DNAI7: variants seen among roughly 807,000 people sequenced by gnomAD.
DNAI7 encodes the protein dynein axonemal intermediate chain 7.
A neutral mutation model predicts 86.6 loss-of-function variants in DNAI7; 78 were observed. That is an observed-to-expected ratio of 0.90 (90% CI 0.75 to 1.09). The LOEUF (loss-of-function observed/expected upper bound fraction) is 1.09, where lower values mean the gene tolerates loss of function less well. Among genes scored for constraint, DNAI7 ranks in the 50% least tolerant of loss-of-function variants. The probability of loss-of-function intolerance (pLI) is 0.00; values close to 1 mark genes in which losing one functional copy is unlikely to be tolerated. For synonymous variants in DNAI7, 274 were observed against 273.0 expected (o/e 1.00, Z -0.04); for missense variants, 753 against 810.2 (o/e 0.93, Z 0.86).
At chr12:25,194,805 G>T in intron 1 of DNAI7, 2 of 1,445,684 alleles carry the variant, frequency 1.4e-6, no homozygotes, top group Non-Finnish European at 1.9e-6. Context: ...CAATTTTCAA[G>T]CTTAGCAACA....
At chr12:25,123,585 T>C (rs1399907477) in intron 9 of DNAI7, among the ~76,000 whole-genome samples, 6 of 152,228 alleles carry the variant, frequency 3.9e-5, no homozygotes, top group Admixed American at 3.9e-4. Context: ...ATATTATTTA[T>C]ATTTGCATTT....
At position 25,114,673 on chromosome 12, in the gene DNAI7, T is replaced by C; in HGVS notation, c.1594A>G (p.Ile532Val). Residue 532 changes from isoleucine (I) to valine (V), a missense_variant, in exon 13 of 16, where the codon ATT becomes GTT. Physicochemically the swap from Ile to Val is conservative, Grantham distance 29. Transcript: ENST00000395987. ...TAACTCACCTTAATTTGTATTTGAATCTCAGTAAATACTGTAGTCACAGTT... is the reference window on the plus strand; with the variant it reads ...TAACTCACCTTAATTTGTATTTGAACCTCAGTAAATACTGTAGTCACAGTT... ...LLTVTTVFTE[I>V]QIQIKENLCM... 1 of 1,609,088 alleles carries C rather than the reference T, an allele frequency of 6.2e-7. No individual in the cohort carries two copies. The highest frequency in any genetic ancestry group is 8.5e-7 in the Non-Finnish European group (1 of 1,175,532).
rs1379019332 is a variant in DNAI7 at position 25,174,407 on chromosome 12, G to GATATATATATCATATATATCTT, written c.22-13211_22-13210insAAGATATATATGATATATATAT. Among the ~76,000 whole-genome samples, 2 of 286 alleles carry GATATATATATCATATATATCTT rather than the reference G, an allele frequency of 7.0e-3. 1 individual carries two copies. The highest frequency in any genetic ancestry group is 0.01 in the African/African-American group (2 of 194). 0.2% of individuals were successfully genotyped at this position (286 alleles called of 152,430 possible). ...TATATGGGATATATCATATATATGG[G>GATATATATATCATATATATCTT]ATATATGGGATATATATATCATATA... On this transcript the variant is annotated intron_variant, in intron 2 of 15. Transcript: ENST00000395987.
At chr12:25,159,522 C>T (rs575878557) in intron 3 of DNAI7, among the ~76,000 whole-genome samples, 1 of 152,018 alleles carries the variant, frequency 6.6e-6, no homozygotes, top group South Asian at 2.1e-4. Context: ...TATTTTTCTT[C>T]TCCAAAAGGT....
At chr12:25,164,365 A>ACT (rs200694291) in intron 2 of DNAI7, among the ~76,000 whole-genome samples, 1 of 148,090 alleles carries the variant, frequency 6.8e-6, no homozygotes, top group Non-Finnish European at 1.5e-5. Flanking sequence ...CTGTGTCTCT[A>ACT]CTCTCTCTTT....
intron 4 of DNAI7, among the ~76,000 whole-genome samples, chr12:25,157,255 G>A (rs1340540901): frequency 6.9e-6 from 1 of 144,730 alleles, no homozygotes; most frequent in East Asian, 2.0e-4. Context: ...TCCAGCCTGG[G>A]CGACAGAGAG....
intron 2 of DNAI7, among the ~76,000 whole-genome samples, chr12:25,164,869 C>T (rs1289847804): frequency 6.8e-6 from 1 of 146,202 alleles, no homozygotes; most frequent in Non-Finnish European, 1.5e-5. Context: ...ACCCTATAAT[C>T]ATTTTATCAC....
At chr12:25,107,865 A>G (rs768779171), downstream of DNAI7, 4 of 1,614,098 alleles carry the variant, frequency 2.5e-6, no homozygotes, top group South Asian at 4.4e-5. Flanking sequence ...CCTCCATCAG[A>G]AAGGCTAATA....
chr12:25,121,897 T>C lies in DNAI7; in HGVS notation c.1095A>G (p.Val365=). Residue 365 remains valine (V), a synonymous_variant, in exon 11 of 16, where the codon GTA becomes GTG. Coordinates refer to ENST00000395987, the MANE Select transcript of DNAI7 (RefSeq NM_018272.5). ...AATCTGGCTTTTCAGAAGAATTCTC[T>C]ACCAGCAACAACTGTGCTAAAATTA... is the stretch of plus-strand genomic sequence containing the variant. ...ETVSAAQLLL[V]ENSSEKPDFF... is the part of the protein sequence containing the mutation. 1 of 1,588,744 alleles carries C rather than the reference T, an allele frequency of 6.3e-7. No homozygotes were observed. Among genetic ancestry groups the C allele is most frequent in the South Asian group, 1.2e-5 (1 of 85,698 alleles).
intron 2 of DNAI7, among the ~76,000 whole-genome samples, chr12:25,185,531 A>C (rs1949950091): frequency 6.6e-6 from 1 of 152,248 alleles, no homozygotes; most frequent in African/African-American, 2.4e-5. Context: ...TATTAGACTT[A>C]CTTTCTATCA....
In DNAI7 at chr12:25,108,742, G is replaced by T; in HGVS notation, c.1975C>A (p.Leu659Met). The change falls in exon 16 of 16, where the codon CTG becomes ATG. Residue 659 changes from leucine to methionine, a missense_variant. Coordinates refer to ENST00000395987, the MANE Select transcript of DNAI7 (RefSeq NM_018272.5). ...LMFSGDRAQRLKIKEESEAFS... is the reference protein window; with the variant it reads ...LMFSGDRAQRMKIKEESEAFS... ...GCCTCACTCTCTTCCTTGATCTTCA[G>T]TCTTTGTGCTCTGTCACCACTAAAC... is the stretch of plus-strand genomic sequence containing the variant. 1 of 1,506,136 alleles carries T rather than the reference G, an allele frequency of 6.6e-7. No homozygotes were observed. The highest frequency in any genetic ancestry group is 9.0e-7 in the Non-Finnish European group (1 of 1,116,240). 93.3% of individuals were successfully genotyped at this position (1,506,136 alleles called of 1,614,324 possible).
chr12:25,175,394 A>C (rs1030716642), intron 2 of DNAI7, among the ~76,000 whole-genome samples: 9 of 151,678 alleles, frequency 5.9e-5, no homozygotes, highest in African/African-American at 1.9e-4. Context: ...TTTGAGACGG[A>C]CTCTCGCTCT....
chr12:25,117,242 T>G lies in DNAI7; in HGVS notation c.1396+1903A>C, dbSNP rs181455458. On this transcript the variant is annotated intron_variant, in intron 12 of 15. Coordinates refer to ENST00000395987, the MANE Select transcript of DNAI7 (RefSeq NM_018272.5). The stretch of plus-strand genomic sequence containing the variant: ...AGCCACTGCGACCGGCCTACTGTTT[T>G]TAATACATAGACTATTTCTAGAATA... Among the ~76,000 whole-genome samples the G allele has an allele frequency of 9.2e-4, 140 of 152,326 alleles. 1 individual carries two copies. The highest frequency in any genetic ancestry group is 3.4e-3 in the Middle Eastern group (1 of 294).
chr12:25,172,105 G>A (rs573261461), intron 2 of DNAI7, among the ~76,000 whole-genome samples: 2 of 151,808 alleles, frequency 1.3e-5, no homozygotes, highest in South Asian at 4.2e-4. Flanking sequence ...TACTGGAAGT[G>A]CTAGGCAGAG....
At chr12:25,194,101 T>G (rs1185852150) in intron 1 of DNAI7, among the ~76,000 whole-genome samples, 2 of 151,940 alleles carry the variant, frequency 1.3e-5, no homozygotes, top group Admixed American at 1.3e-4. Flanking sequence ...ATTACAGGGG[T>G]GAGCCACCGC....
chr12:25,184,647 A>G (rs774116958), intron 2 of DNAI7, among the ~76,000 whole-genome samples: 4 of 152,168 alleles, frequency 2.6e-5, no homozygotes, highest in Non-Finnish European at 5.9e-5. Context: ...TGGCAAACTC[A>G]GTTTTGGTTT....
At position 25,144,593 on chromosome 12, in the gene DNAI7, G is replaced by C; in HGVS notation, c.774C>G (p.Leu258=). The part of the protein sequence containing the change: ...ILATSDIAVR[L]LHTHYDHVSA... ...AAACATGATCATAGTGGGTATGCAG[G>C]AGTCGTACAGCAATGTCACTTGTTG... The change falls in exon 9 of 16, where the codon CTC becomes CTG. Residue 258 remains leucine (L), a synonymous_variant. Transcript: ENST00000395987. 6.2e-7 allele frequency: 1 copy of C among 1,613,992 alleles called. No homozygotes were observed. The highest frequency in any genetic ancestry group is 8.5e-7 in the Non-Finnish European group (1 of 1,179,936).
chr12:25,163,462 C>T (rs118125063), intron 2 of DNAI7, among the ~76,000 whole-genome samples: 5,870 of 152,272 alleles, frequency 0.039, 182 homozygotes, highest in Middle Eastern at 0.061. Context: ...CCCTCTTTGA[C>T]GGTGATTTTC....
intron 11 of DNAI7, among the ~76,000 whole-genome samples, chr12:25,120,002 T>A (rs891248035): frequency 3.3e-5 from 5 of 152,006 alleles, no homozygotes; most frequent in Non-Finnish European, 7.4e-5. Context: ...GAAGGAGGAC[T>A]CTTTGGGTTC....
Sources: allele counts gnomAD v4.1 joint callset (sites outside exome capture counted in the v4.1 genomes callset), GRCh38; gene constraint gnomAD v4.1.1; transcripts MANE v1.5; gene names NCBI Gene and HGNC (gene_info 2026-07-23, HGNC 2026-07-21).